Variants in KCNH6 observed in about 807,000 individuals in gnomAD.
KCNH6 encodes the protein potassium voltage-gated channel subfamily H member 6, also known as voltage-gated inwardly rectifying potassium channel KCNH6.
Under a neutral mutation model 83.4 loss-of-function variants are expected in KCNH6, and 81 were observed. The observed-to-expected ratio is 0.97, with a 90% confidence interval of 0.81 to 1.17. The LOEUF (loss-of-function observed/expected upper bound fraction) is 1.17. Ranked by LOEUF, KCNH6 falls within the 50% of genes most tolerant of loss-of-function variation. KCNH6 has a pLI of 0.00. For synonymous variants in KCNH6, 503 were observed against 545.6 expected (o/e 0.92, Z 1.09); for missense variants, 1,203 against 1,290.5 (o/e 0.93, Z 1.04).
intron 9 of KCNH6, 98 bp from the exon 10 acceptor site, chr17:63,543,478 C>T (rs1598012586): frequency 1.3e-6 from 1 of 763,844 alleles, no homozygotes; most frequent in African/African-American, 1.7e-5. Flanking sequence ...CATTCTTTCA[C>T]CTAGTTGTGA....
Position 63,524,345 on chromosome 17 carries a change from G to A in KCNH6, c.283G>A (p.Asp95Asn). 1.2e-6 allele frequency: 2 copies of A among 1,613,712 alleles called. No individual in the cohort carries two copies. The highest frequency in any genetic ancestry group is 8.5e-7 in the Non-Finnish European group (1 of 1,179,970). ...ALLGAEECKV[D>N]ILYYRKDASS... The stretch of plus-strand genomic sequence containing the variant: ...GCTGGGGGCTGAGGAGTGCAAGGTG[G>A]ACATCCTCTACTACCGCAAGGATGG... The change falls in exon 2 of 13, where the codon GAC (aspartate) becomes AAC (asparagine). Residue 95 changes from aspartate to asparagine, a missense_variant. Coordinates refer to ENST00000314672, the MANE Select transcript of KCNH6 (RefSeq NM_001278919.2).
At chr17:63,547,044 C>T (rs77855946), downstream of KCNH6, among the ~76,000 whole-genome samples, 10 of 152,252 alleles carry the variant, frequency 6.6e-5, no homozygotes, top group East Asian at 3.9e-4. Context: ...ACAACCCCAA[C>T]GGGTTGGTAT....
chr17:63,543,308 A>G (rs894586802), intron 9 of KCNH6, among the ~76,000 whole-genome samples: 1 of 146,744 alleles, frequency 6.8e-6, no homozygotes, highest in African/African-American at 2.6e-5. Context: ...CGCGATCTGC[A>G]CAGGAGACTG....
At chr17:63,531,474 G>C (rs570549811) in intron 4 of KCNH6, among the ~76,000 whole-genome samples, 1 of 152,394 alleles carries the variant, frequency 6.6e-6, no homozygotes, top group East Asian at 1.9e-4. Context: ...GGAGGGGCCT[G>C]CTCCCAGCTT....
In KCNH6 at chr17:63,538,809, T is replaced by G; in HGVS notation, c.1954+147T>G. ...TGCACAGCATGTGCCCGGGAGAGCT[T>G]TAGACCCAGCTGGCTGAATCCTTAA... On this transcript the variant is annotated intron_variant, in intron 8 of 12. Coordinates refer to ENST00000314672, the MANE Select transcript of KCNH6 (RefSeq NM_001278919.2). This position sits in a 1 kb window ranked among gnomAD's most constrained non-coding sequence, Gnocchi z 4.0. The G allele has an allele frequency of 1.2e-6, 1 of 826,150 alleles. No individual in the cohort carries two copies. The highest frequency in any genetic ancestry group is 1.8e-6 in the Non-Finnish European group (1 of 553,042). 51.2% of individuals were successfully genotyped at this position (826,150 alleles called of 1,614,324 possible). A position where few individuals can be genotyped will look rare whatever the true frequency, so the allele number is the denominator to read the frequency against.
At chr17:63,532,495 G>A (rs1340713283) in intron 4 of KCNH6, among the ~76,000 whole-genome samples, 1 of 152,194 alleles carries the variant, frequency 6.6e-6, no homozygotes. Flanking sequence ...TACAGGGGCA[G>A]GGAGAAAATA....
intron 4 of KCNH6, among the ~76,000 whole-genome samples, chr17:63,531,969 C>T (rs1165686570): frequency 1.3e-5 from 2 of 152,196 alleles, no homozygotes; most frequent in Non-Finnish European, 2.9e-5. Context: ...GAAGTCACAT[C>T]GGCCTCAACC....
chr17:63,545,219 G>C lies in KCNH6; in HGVS notation c.2538G>C (p.Thr846=), dbSNP rs201958062. 1.5e-5 allele frequency: 25 copies of C among 1,613,594 alleles called. No homozygotes were observed. Among genetic ancestry groups the C allele is most frequent in the South Asian group, 2.2e-5 (2 of 91,088 alleles). The change falls in exon 12 of 13, where the codon ACG becomes ACC. Residue 846 remains threonine, a synonymous_variant. Coordinates refer to ENST00000314672, the MANE Select transcript of KCNH6 (RefSeq NM_001278919.2). The part of the protein sequence containing the change: ...LALVPIASET[T]SPGPRLPQGF... Reference sequence around the variant, plus strand: ...TGGTTCCTATAGCCTCGGAGACGACGAGTCCAGGGCCCAGGCTGCCCCAGG... The same window carrying C: ...TGGTTCCTATAGCCTCGGAGACGACCAGTCCAGGGCCCAGGCTGCCCCAGG...
In KCNH6 at chr17:63,524,149, C is replaced by T; in HGVS notation, c.87C>T (p.Phe29=). Residue 29 remains phenylalanine, a synonymous_variant, in exon 2 of 13, where the codon TTC becomes TTT. Transcript: ENST00000314672. ...CACCTCCCACCCCAGGTCGGAAGTT[C>T]CTGATTGCCAATGCTCAGATGGAGA... ...IRKFEGQSRK[F]LIANAQMENC... is the part of the protein sequence containing the mutation. 3 of 1,613,466 alleles carry T rather than the reference C, an allele frequency of 1.9e-6. No homozygotes were observed. Among genetic ancestry groups the T allele is most frequent in the Non-Finnish European group, 2.5e-6 (3 of 1,179,422 alleles).
In KCNH6 at chr17:63,538,331, C is replaced by T; in HGVS notation, c.1701+67C>T. On this transcript the variant is annotated intron_variant, in intron 7 of 12. Transcript: ENST00000314672. This position sits in a 1 kb window ranked among gnomAD's most constrained non-coding sequence, Gnocchi z 4.0. ...GAGCCAAGATCCTGCGGGGGCGGGG[C>T]GTCCCCAGAGCCCTCACCACCCTCT... 1 of 1,606,964 alleles carries T rather than the reference C, an allele frequency of 6.2e-7. No homozygotes were observed. The highest frequency in any genetic ancestry group is 1.1e-5 in the South Asian group (1 of 90,862).
chr17:63,524,549 C>T (rs2031573215), intron 2 of KCNH6, among the ~76,000 whole-genome samples, 180 bp downstream of exon 2: 1 of 152,204 alleles, frequency 6.6e-6, no homozygotes, highest in Admixed American at 6.5e-5. Flanking sequence ...AGGTCCTTTG[C>T]AGGAGCTAGG....
intron 2 of KCNH6, 30 bp downstream of exon 2, chr17:63,524,399 A>C: frequency 3.8e-6 from 6 of 1,592,266 alleles, no homozygotes; most frequent in Non-Finnish European, 4.3e-6. Flanking sequence ...GAGGCTTTGC[A>C]GGGCAGGCTT....
rs756981303 is a variant in KCNH6, at chr17:63,534,357, C to T, written c.1101+46C>T. On this transcript the variant is annotated intron_variant, in intron 5 of 12. Transcript: ENST00000314672. The surrounding 1 kb of genome is among the most constrained non-coding windows in gnomAD (Gnocchi z 5.0). ...CCAGCAGCCATGGCTGTCCTCTGCA[C>T]GCTGGCCTCAAGCCCTCCCTGCTGC... 50 of 1,548,382 alleles carry T rather than the reference C, an allele frequency of 3.2e-5. No homozygotes were observed. Among genetic ancestry groups the T allele is most frequent in the East Asian group, 4.5e-5 (2 of 44,510 alleles).
rs1597965784 is a variant in KCNH6 at position 63,523,540 on chromosome 17, T to G, written c.76+51T>G. On this transcript the variant is annotated intron_variant, in intron 1 of 12. Coordinates refer to ENST00000314672, the MANE Select transcript of KCNH6 (RefSeq NM_001278919.2). The surrounding 1 kb of genome is among the most constrained non-coding windows in gnomAD (Gnocchi z 4.2). Reference sequence around the variant, plus strand: ...GGGACGATCTGGAGTCCTGGTTCCGTGAAAGGGGGGGCTGGACCCCTTTAC... The same window carrying G: ...GGGACGATCTGGAGTCCTGGTTCCGGGAAAGGGGGGGCTGGACCCCTTTAC... 5.6e-6 allele frequency: 8 copies of G among 1,421,146 alleles called. No homozygotes were observed. Among genetic ancestry groups the G allele is most frequent in the Admixed American group, 5.6e-5 (3 of 54,032 alleles). 88.0% of individuals were successfully genotyped at this position (1,421,146 alleles called of 1,614,324 possible).
At position 63,538,122 on chromosome 17, in the gene KCNH6, C is replaced by T. The variant is rs2032619764; in HGVS notation, c.1559C>T (p.Ser520Leu). 6.2e-7 allele frequency: 1 copy of T among 1,613,986 alleles called. No homozygotes were observed. Among genetic ancestry groups the T allele is most frequent in the African/African-American group, 1.3e-5 (1 of 74,934 alleles). Reference protein sequence around the residue: ...NVSAIIQRLYSGTARYHTQML... With the variant: ...NVSAIIQRLYLGTARYHTQML... ...TCCGCGATCATCCAGCGCCTGTACT[C>T]GGGCACCGCGCGCTACCACACGCAG... Residue 520 changes from serine to leucine, a missense_variant, in exon 7 of 13, where the codon TCG becomes TTG. Ser to Leu is a moderately radical substitution (Grantham distance 145). Transcript: ENST00000314672. The surrounding 1 kb of genome is among the most constrained non-coding windows in gnomAD (Gnocchi z 4.0).
rs1451407928 is a variant in KCNH6, at chr17:63,545,933, GA to G, written c.*33del. On this transcript the variant is annotated 3_prime_UTR_variant, in exon 13 of 13. Coordinates refer to ENST00000314672, the MANE Select transcript of KCNH6 (RefSeq NM_001278919.2). The stretch of plus-strand genomic sequence containing the variant: ...AAGATAAAGACACCATGAGGGGACT[GA>G]AGGTGGGCAAGGTGAGAGTTAAGGA... 6.2e-7 allele frequency: 1 copy of G among 1,603,098 alleles called. No individual in the cohort carries two copies. Among genetic ancestry groups the G allele is most frequent in the Admixed American group, 1.7e-5 (1 of 59,634 alleles).
chr17:63,541,760 G>A (rs1029509572), intron 8 of KCNH6, among the ~76,000 whole-genome samples: 4 of 152,192 alleles, frequency 2.6e-5, no homozygotes, highest in Non-Finnish European at 5.9e-5. Flanking sequence ...GGGCCATGCT[G>A]GTTACCTGGC....
chr17:63,540,422 ACT>A (rs1021130228), intron 8 of KCNH6, among the ~76,000 whole-genome samples: 8 of 151,122 alleles, frequency 5.3e-5, no homozygotes, highest in African/African-American at 1.7e-4. Context: ...GCAGAGCGAG[ACT>A]CTGTCTTTAA....
chr17:63,535,261 G>A lies in KCNH6; in HGVS notation c.1102-408G>A, dbSNP rs987845416. On this transcript the variant is annotated intron_variant, in intron 5 of 12. Transcript: ENST00000314672. The surrounding 1 kb of genome is among the most constrained non-coding windows in gnomAD (Gnocchi z 4.9). ...CGCATCGGGCTGCAGTGCCACACTC[G>A]GTTTCCCACATCGGCCACGCACTTC... Among the ~76,000 whole-genome samples, 5 of 152,134 alleles carry A rather than the reference G, an allele frequency of 3.3e-5. No individual in the cohort carries two copies. The highest frequency in any genetic ancestry group is 7.4e-5 in the Non-Finnish European group (5 of 68,014).
Sources: allele counts gnomAD v4.1 joint callset (sites outside exome capture counted in the v4.1 genomes callset), GRCh38; gene constraint gnomAD v4.1.1; non-coding constraint Gnocchi (gnomAD v3.1); transcripts MANE v1.5; gene names NCBI Gene and HGNC (gene_info 2026-07-23, HGNC 2026-07-21).